The following LIN7A variants were observed in gnomAD, a reference collection of about 807,000 sequenced individuals.
LIN7A encodes the protein protein lin-7 homolog A.
Under a neutral mutation model 29.8 loss-of-function variants are expected in LIN7A, and 25 were observed. The observed-to-expected ratio is 0.84, with a 90% CI of 0.61 to 1.17. LIN7A has a LOEUF of 1.17. Ranked by LOEUF, LIN7A falls within the 50% of genes most tolerant of loss-of-function variation. The pLI is 0.00. For synonymous variants in LIN7A, 118 were observed against 107.5 expected, an observed-to-expected ratio of 1.10 and a Z score of -0.60; for missense variants, 239 against 287.0, an observed-to-expected ratio of 0.83 and a Z score of 1.21.
intron 2 of LIN7A, among the ~76,000 whole-genome samples, chr12:80,852,024 A>G (rs1873358783): frequency 6.6e-6 from 1 of 152,182 alleles, no homozygotes; most frequent in East Asian, 1.9e-4. Flanking sequence ...AACATTTAGG[A>G]GCAATTCTAG....
chr12:80,911,707 T>C lies in LIN7A; in HGVS notation c.83-22338A>G, dbSNP rs565104332. 1.4e-4 allele frequency among the ~76,000 whole-genome samples: 22 copies of C among 152,320 alleles called. 1 individual carries two copies. Among genetic ancestry groups the C allele is most frequent in the Non-Finnish European group, 1.0e-4 (7 of 68,022 alleles). Reference sequence around the variant, plus strand: ...GGCTTGTTCAACAAGGTTTTGAATTTATAGTAAATAGCTTGGTATTCTTCC... The same window carrying C: ...GGCTTGTTCAACAAGGTTTTGAATTCATAGTAAATAGCTTGGTATTCTTCC... On this transcript the variant is annotated intron_variant, in intron 1 of 5. Coordinates refer to ENST00000552864, the MANE Select transcript of LIN7A (RefSeq NM_004664.4).
rs1478752427 is a variant in LIN7A, at chr12:80,796,646, T to TA, written c.*1080_*1081insT. ...TTTATCTGAGAGTGCCAAAAATATC[T>TA]GGTTTATATTTGGGGAAATTGACCT... On this transcript the variant is annotated 3_prime_UTR_variant, in exon 6 of 6. Transcript: ENST00000552864. The TA allele has an allele frequency of 2.2e-4, 33 of 152,308 alleles. No individual in the cohort carries two copies. Among genetic ancestry groups the TA allele is most frequent in the African/African-American group, 7.0e-4 (29 of 41,582 alleles). 9.4% of individuals were successfully genotyped at this position (152,308 alleles called of 1,614,324 possible).
At chr12:80,911,826 A>G (rs1349053374) in intron 1 of LIN7A, among the ~76,000 whole-genome samples, 5 of 152,172 alleles carry the variant, frequency 3.3e-5, no homozygotes, top group Admixed American at 6.5e-5. Context: ...ATGCAAGACA[A>G]ATTACTCATA....
At chr12:80,852,329 A>G (rs7980983) in intron 2 of LIN7A, among the ~76,000 whole-genome samples, 3,753 of 152,268 alleles carry the variant, frequency 0.025, 72 homozygotes, top group Non-Finnish European at 0.037. Context: ...TTTACATTGC[A>G]TAGTTCGTCT....
intron 1 of LIN7A, among the ~76,000 whole-genome samples, chr12:80,932,991 T>A (rs1194748229): frequency 6.6e-6 from 1 of 152,184 alleles, no homozygotes; most frequent in Non-Finnish European, 1.5e-5. Context: ...TCCACACTAA[T>A]CTCCTTATCA....
chr12:80,878,775 T>A (rs538993481), intron 2 of LIN7A, among the ~76,000 whole-genome samples: 13 of 152,252 alleles, frequency 8.5e-5, no homozygotes, highest in African/African-American at 2.9e-4. Context: ...TTTACAAACC[T>A]CTAGCCACAG....
At position 80,845,893 on chromosome 12, in the gene LIN7A, C is replaced by T. The variant is rs1873053387; in HGVS notation, c.320G>A (p.Arg107Gln). Reference sequence around the variant, plus strand: ...ATCAGTCTTTGGCAGTTCAACTACTCGAGGGTGGGAGTGGCCTTCACTAGC... The same window carrying T: ...ATCAGTCTTTGGCAGTTCAACTACTTGAGGGTGGGAGTGGCCTTCACTAGC... ...FAASEGHSHP[R>Q]VVELPKTDEG... The change falls in exon 4 of 6, where the codon CGA (arginine) becomes CAA (glutamine). Residue 107 changes from arginine to glutamine, a missense_variant. Physicochemically the swap from Arg to Gln is conservative, Grantham distance 43. Coordinates refer to ENST00000552864, the MANE Select transcript of LIN7A (RefSeq NM_004664.4). The T allele has an allele frequency of 1.9e-6, 3 of 1,609,976 alleles. No homozygotes were observed. Among genetic ancestry groups the T allele is most frequent in the Non-Finnish European group, 2.5e-6 (3 of 1,178,702 alleles).
chr12:80,800,629 C>A (rs771437284), intron 5 of LIN7A, among the ~76,000 whole-genome samples: 4 of 151,696 alleles, frequency 2.6e-5, no homozygotes, highest in Non-Finnish European at 4.4e-5. Flanking sequence ...AGGAAGCACC[C>A]GACCCTGATA....
At position 80,854,788 on chromosome 12, in the gene LIN7A, A is replaced by C. The variant is rs532425773; in HGVS notation, c.202-6466T>G. On this transcript the variant is annotated intron_variant, in intron 2 of 5. Transcript: ENST00000552864. ...AAGACTGACTTTTTAAAAAGCAAAA[A>C]ATATTTTTTAAGACATAGGAAAGCA... Among the ~76,000 whole-genome samples the C allele has an allele frequency of 1.9e-4, 29 of 152,272 alleles. 1 individual carries two copies. In the South Asian group the frequency reaches 2.9e-3, roughly 15 times the overall value.
chr12:80,830,860 C>G (rs1161022263), intron 4 of LIN7A, among the ~76,000 whole-genome samples: 1 of 152,118 alleles, frequency 6.6e-6, no homozygotes, highest in African/African-American at 2.4e-5. Flanking sequence ...GGCTCACTCC[C>G]TTATCTCCTT....
chr12:80,898,484 T>A (rs1014841694), intron 1 of LIN7A, among the ~76,000 whole-genome samples: 1 of 152,162 alleles, frequency 6.6e-6, no homozygotes. Flanking sequence ...TGTGGTTCCA[T>A]GTGAAATTTA....
chr12:80,818,855 ACCTT>A (rs374128291), intron 4 of LIN7A, among the ~76,000 whole-genome samples: 4 of 152,232 alleles, frequency 2.6e-5, no homozygotes, highest in African/African-American at 9.6e-5. Flanking sequence ...TTTCTCTACA[ACCTT>A]ACTACAGAAA....
intron 2 of LIN7A, among the ~76,000 whole-genome samples, chr12:80,876,306 T>C (rs2059282023): frequency 6.6e-6 from 1 of 152,136 alleles, no homozygotes; most frequent in Admixed American, 6.6e-5. Flanking sequence ...CTATGATGGA[T>C]AGTAAGGAGA....
At chr12:80,889,095 G>C (rs1033969703) in intron 2 of LIN7A, among the ~76,000 whole-genome samples, 156 bp downstream of exon 2, 7 of 151,890 alleles carry the variant, frequency 4.6e-5, no homozygotes, top group African/African-American at 1.5e-4. Context: ...AATTTAGCAG[G>C]CTAAATTATA....
Position 80,852,283 on chromosome 12 carries a change from A to T in LIN7A, c.202-3961T>A, listed in dbSNP as rs957801199. On this transcript the variant is annotated intron_variant, in intron 2 of 5. Coordinates refer to ENST00000552864, the MANE Select transcript of LIN7A (RefSeq NM_004664.4). ...ACTTTAATTTATTTACCAAGTTTAC[A>T]TACACAGGTTATGCAATCATTATCA... Among the ~76,000 whole-genome samples the T allele has an allele frequency of 3.9e-5, 6 of 152,306 alleles. No homozygotes were observed. In the South Asian group the frequency reaches 1.0e-3, roughly 26 times the overall value.
At chr12:80,825,129 A>AT (rs200380699) in intron 4 of LIN7A, among the ~76,000 whole-genome samples, 9 of 152,244 alleles carry the variant, frequency 5.9e-5, no homozygotes, top group South Asian at 2.1e-4. Flanking sequence ...TTCTTTATAA[A>AT]TTTTTTTTAA....
At chr12:80,814,283 T>C (rs1284461619) in intron 4 of LIN7A, among the ~76,000 whole-genome samples, 1 of 152,206 alleles carries the variant, frequency 6.6e-6, no homozygotes. Context: ...AGTATGTTTG[T>C]AATTTCTTTA....
At chr12:80,806,846 G>A (rs1871014944) in intron 5 of LIN7A, among the ~76,000 whole-genome samples, 1 of 152,146 alleles carries the variant, frequency 6.6e-6, no homozygotes, top group Non-Finnish European at 1.5e-5. Flanking sequence ...TGACTTGGAT[G>A]TATTTTATTT....
intron 1 of LIN7A, among the ~76,000 whole-genome samples, chr12:80,915,687 C>A (rs1224755786): frequency 6.6e-6 from 1 of 152,204 alleles, no homozygotes; most frequent in Non-Finnish European, 1.5e-5. Flanking sequence ...GAACACTATG[C>A]AGCCATAAAA....
Sources: allele counts gnomAD v4.1 joint callset (sites outside exome capture counted in the v4.1 genomes callset), GRCh38; gene constraint gnomAD v4.1.1; transcripts MANE v1.5; gene names NCBI Gene and HGNC (gene_info 2026-07-23, HGNC 2026-07-21).